The following UBE2E2 variants were observed in gnomAD, a reference collection of about 807,000 sequenced individuals.
UBE2E2 encodes ubiquitin conjugating enzyme E2 E2, also known as ubiquitin-conjugating enzyme E2 E2.
Under a neutral mutation model 24.7 loss-of-function variants are expected in UBE2E2, and 6 were observed. The observed-to-expected ratio is 0.24, with a 90% CI of 0.13 to 0.48. The LOEUF (loss-of-function observed/expected upper bound fraction) is 0.48, where lower values mean the gene tolerates loss of function less well. Among genes scored for constraint, UBE2E2 ranks in the 20% least tolerant of loss-of-function variants. The pLI, the probability that UBE2E2 is intolerant of heterozygous loss-of-function variation, is 0.99. For synonymous variants in UBE2E2, 104 were observed against 83.6 expected (o/e 1.24, Z -1.33); for missense variants, 169 against 245.0 (o/e 0.69, Z 2.07).
At chr3:23,384,860 AC>A (rs1271823547) in intron 3 of UBE2E2, among the ~76,000 whole-genome samples, 1 of 152,036 alleles carries the variant, frequency 6.6e-6, no homozygotes, top group Non-Finnish European at 1.5e-5. Context: ...AATTTTTAAA[AC>A]CAGACTCATT....
chr3:23,225,825 C>T (rs769241780), intron 3 of UBE2E2, among the ~76,000 whole-genome samples: 1 of 152,020 alleles, frequency 6.6e-6, no homozygotes, highest in African/African-American at 2.4e-5. Flanking sequence ...ATAAACCTAA[C>T]TACTGTGTCA....
At chr3:23,289,772 T>A (rs1297584565) in intron 3 of UBE2E2, among the ~76,000 whole-genome samples, 1 of 152,256 alleles carries the variant, frequency 6.6e-6, no homozygotes, top group Non-Finnish European at 1.5e-5. Flanking sequence ...GTTATGAAAT[T>A]GTAAAGGAAT....
At chr3:23,258,648 C>T (rs935793038) in intron 3 of UBE2E2, among the ~76,000 whole-genome samples, 23 of 152,142 alleles carry the variant, frequency 1.5e-4, no homozygotes, top group African/African-American at 5.1e-4. Flanking sequence ...AATCCCACCA[C>T]GTTGGGAGGC....
chr3:23,481,867 C>T (rs1286872652), intron 3 of UBE2E2, among the ~76,000 whole-genome samples: 1 of 152,174 alleles, frequency 6.6e-6, no homozygotes, highest in Non-Finnish European at 1.5e-5. Flanking sequence ...AATAGCAGAT[C>T]TTCTGTAAAA....
At chr3:23,440,287 G>A (rs1287284559) in intron 3 of UBE2E2, among the ~76,000 whole-genome samples, 2 of 151,990 alleles carry the variant, frequency 1.3e-5, no homozygotes, top group Non-Finnish European at 2.9e-5. Flanking sequence ...AGAAAAAAAG[G>A]AAAAATAATG....
intron 3 of UBE2E2, among the ~76,000 whole-genome samples, chr3:23,334,449 A>G (rs1290549564): frequency 6.6e-6 from 1 of 152,122 alleles, no homozygotes; most frequent in Non-Finnish European, 1.5e-5. Context: ...GGTGGTACCT[A>G]CTCATAGGAA....
intron 3 of UBE2E2, among the ~76,000 whole-genome samples, chr3:23,348,235 G>C (rs1313797838): frequency 4.0e-5 from 6 of 151,746 alleles, no homozygotes; most frequent in Non-Finnish European, 8.8e-5. Context: ...TTATCTCTCT[G>C]CATAAATGCT....
chr3:23,247,822 C>T (rs1052934170), intron 3 of UBE2E2, among the ~76,000 whole-genome samples: 5 of 152,086 alleles, frequency 3.3e-5, no homozygotes, highest in African/African-American at 1.2e-4. Context: ...CTTCTTCCTC[C>T]CCTCCCCCTT....
intron 3 of UBE2E2, among the ~76,000 whole-genome samples, chr3:23,304,821 G>A (rs963363787): frequency 6.6e-6 from 1 of 151,700 alleles, no homozygotes; most frequent in African/African-American, 2.4e-5. Flanking sequence ...CTTAATACCG[G>A]GTATGCATAC....
chr3:23,403,531 A>G (rs1325623993), intron 3 of UBE2E2, among the ~76,000 whole-genome samples: 3 of 152,194 alleles, frequency 2.0e-5, no homozygotes, highest in Non-Finnish European at 4.4e-5. Context: ...ATTAAATGTC[A>G]TTGTAGGGGC....
intron 3 of UBE2E2, among the ~76,000 whole-genome samples, chr3:23,289,753 T>G (rs925589641): frequency 1.3e-5 from 2 of 152,258 alleles, no homozygotes; most frequent in African/African-American, 4.8e-5. Flanking sequence ...AGTACTTAGT[T>G]GAACTTAAGT....
At chr3:23,413,619 G>A (rs560155213) in intron 3 of UBE2E2, among the ~76,000 whole-genome samples, 9 of 152,042 alleles carry the variant, frequency 5.9e-5, no homozygotes, top group Non-Finnish European at 1.3e-4. Flanking sequence ...TCATTCTTTA[G>A]GTTTTAGCTT....
chr3:23,516,455 C>T (rs1405580735), intron 4 of UBE2E2, among the ~76,000 whole-genome samples: 2 of 152,130 alleles, frequency 1.3e-5, no homozygotes, highest in African/African-American at 4.8e-5. Flanking sequence ...TGGTAACAGA[C>T]TCTGATACCA....
intron 3 of UBE2E2, among the ~76,000 whole-genome samples, chr3:23,421,830 G>GAC (rs1302708893): frequency 6.6e-6 from 1 of 152,264 alleles, no homozygotes. Context: ...AGTCATTAGA[G>GAC]ACTCAGGTGC....
At chr3:23,523,987 A>C (rs1347857857) in intron 4 of UBE2E2, among the ~76,000 whole-genome samples, 4 of 152,110 alleles carry the variant, frequency 2.6e-5, no homozygotes, top group African/African-American at 9.7e-5. Flanking sequence ...TCTCCGTGGA[A>C]AAGTATTTTT....
rs948934868 is a variant in UBE2E2 at position 23,376,332 on chromosome 3, T to G, written c.228-123276T>G. Among the ~76,000 whole-genome samples, 10 of 152,318 alleles carry G rather than the reference T, an allele frequency of 6.6e-5. 2 individuals carry two copies. Among genetic ancestry groups the G allele is most frequent in the Admixed American group, 1.3e-4 (2 of 15,290 alleles). ...GGTAGAAGTAAGGAGATGATCAAGG[T>G]ATGATTTCATGAATCACATAGTTTA... On this transcript the variant is annotated intron_variant, in intron 3 of 5. Coordinates refer to ENST00000396703, the MANE Select transcript of UBE2E2 (RefSeq NM_152653.4).
chr3:23,566,895 G>T (rs973142875), intron 5 of UBE2E2, among the ~76,000 whole-genome samples: 1 of 152,148 alleles, frequency 6.6e-6, no homozygotes, highest in Non-Finnish European at 1.5e-5. Context: ...GGAAGGAAAG[G>T]GGAAAGGCCA....
chr3:23,282,345 GAC>G (rs1471648187), intron 3 of UBE2E2, among the ~76,000 whole-genome samples: 7 of 152,108 alleles, frequency 4.6e-5, no homozygotes, highest in Admixed American at 3.3e-4. Context: ...TTCCTTTAAT[GAC>G]ACAGTCTTAC....
intron 3 of UBE2E2, among the ~76,000 whole-genome samples, chr3:23,332,423 C>G (rs892168496): frequency 6.6e-6 from 1 of 152,146 alleles, no homozygotes; most frequent in East Asian, 1.9e-4. Context: ...GCCATTGTAC[C>G]TGGGCATCTT....
Sources: allele counts gnomAD v4.1 joint callset (sites outside exome capture counted in the v4.1 genomes callset), GRCh38; gene constraint gnomAD v4.1.1; transcripts MANE v1.5; gene names NCBI Gene and HGNC (gene_info 2026-07-23, HGNC 2026-07-21).